Variants in SRSF4 observed in about 807,000 individuals in gnomAD.
SRSF4 encodes the protein serine/arginine-rich splicing factor 4.
Under a neutral mutation model 48.8 loss-of-function variants are expected in SRSF4, and 12 were observed. That is an observed-to-expected ratio of 0.25 (90% confidence interval 0.16 to 0.40). The LOEUF is 0.40. SRSF4 is among the 10% of genes least tolerant of loss of function. The pLI is 1.00. For synonymous variants in SRSF4, 248 were observed against 232.5 expected (o/e 1.07, Z -0.61); for missense variants, 466 against 667.1 (o/e 0.70, Z 3.32).
rs775172367 is a variant in SRSF4, at chr1:29,148,379, C to G, written c.*31G>C. Reference sequence around the variant, plus strand: ...GCTACCAAACATGTACAAAAGACTTCTCGGGTAGTTCCAGCTGTGGCCATA... The same window carrying G: ...GCTACCAAACATGTACAAAAGACTTGTCGGGTAGTTCCAGCTGTGGCCATA... On this transcript the variant is annotated 3_prime_UTR_variant, in exon 6 of 6. Coordinates refer to ENST00000373795, the MANE Select transcript of SRSF4 (RefSeq NM_005626.5). The G allele has an allele frequency of 1.9e-6, 3 of 1,561,188 alleles. No homozygotes were observed. Among genetic ancestry groups the G allele is most frequent in the Non-Finnish European group, 2.6e-6 (3 of 1,154,740 alleles).
rs937303482 is a variant in SRSF4 at position 29,181,821 on chromosome 1, C to G, written c.-69G>C. Reference sequence around the variant, plus strand: ...TAGGCGGCGGCGGGCAAAGCGAGAGCACGGCGGCAGCGGCGGCGGCGGCAA... The same window carrying G: ...TAGGCGGCGGCGGGCAAAGCGAGAGGACGGCGGCAGCGGCGGCGGCGGCAA... On this transcript the variant is annotated 5_prime_UTR_variant, in exon 1 of 6. Coordinates refer to ENST00000373795, the MANE Select transcript of SRSF4 (RefSeq NM_005626.5). 2 of 1,342,594 alleles carry G rather than the reference C, an allele frequency of 1.5e-6. No homozygotes were observed. Among genetic ancestry groups the G allele is most frequent in the South Asian group, 1.6e-5 (1 of 61,854 alleles). 83.2% of individuals were successfully genotyped at this position (1,342,594 alleles called of 1,614,324 possible). A position where few individuals can be genotyped will look rare whatever the true frequency, so the allele number is the denominator to read the frequency against.
intron 1 of SRSF4, chr1:29,172,215 T>C (rs1393383861): frequency 6.6e-6 from 1 of 152,202 alleles, no homozygotes; most frequent in East Asian, 1.9e-4. Flanking sequence ...TGCTACTTAA[T>C]TCATAGTCCT....
intron 1 of SRSF4, 109 bp downstream of exon 1, chr1:29,181,537 G>T: frequency 1.0e-6 from 1 of 977,168 alleles, no homozygotes. Flanking sequence ...GCCTGGCCAG[G>T]CCGGTAGCCG....
intron 1 of SRSF4, 40 bp downstream of exon 1, chr1:29,181,606 T>C: frequency 6.5e-7 from 1 of 1,533,200 alleles, no homozygotes; most frequent in South Asian, 1.2e-5. Context: ...ACCTATGGGG[T>C]CTGTCCCCGC....
At position 29,148,802 on chromosome 1, in the gene SRSF4, G is replaced by C. The variant is rs756803353; in HGVS notation, c.1093C>G (p.Arg365Gly). The C allele has an allele frequency of 6.2e-7, 1 of 1,609,792 alleles. No homozygotes were observed. Among genetic ancestry groups the C allele is most frequent in the African/African-American group, 1.3e-5 (1 of 74,588 alleles). Residue 365 changes from arginine to glycine, a missense_variant, in exon 6 of 6, where the codon CGC becomes GGC. Around this residue, in one of 2 missense-constraint regions of SRSF4, gnomAD observed 402 missense variants for 437.0 expected, o/e 0.92. Transcript: ENST00000373795. Reference protein sequence around the residue: ...KGRKRSREESRSRSRSRSKSE... With the variant: ...KGRKRSREESGSRSRSRSKSE... Reference sequence around the variant, plus strand: ...TTGCTGCGGCTGCGACTGCGACTGCGGCTCTCCTCTCTGCTTCTCTTCCTG... The same window carrying C: ...TTGCTGCGGCTGCGACTGCGACTGCCGCTCTCCTCTCTGCTTCTCTTCCTG...
intron 4 of SRSF4, among the ~76,000 whole-genome samples, chr1:29,150,929 T>C (rs1417053470): frequency 6.6e-6 from 1 of 152,188 alleles, no homozygotes; most frequent in Non-Finnish European, 1.5e-5. Flanking sequence ...CAACCAGCCT[T>C]TCTGTGTATA....
At chr1:29,171,703 A>C (rs1672747016) in intron 1 of SRSF4, 1 of 152,130 alleles carries the variant, frequency 6.6e-6, no homozygotes. Flanking sequence ...GCTCAAAGTA[A>C]AATTTGCGGT....
chr1:29,157,376 T>A (rs1368965745), intron 3 of SRSF4, among the ~76,000 whole-genome samples: 1 of 152,198 alleles, frequency 6.6e-6, no homozygotes, highest in Non-Finnish European at 1.5e-5. Context: ...TTACATTTAG[T>A]GGCACTACAT....
chr1:29,173,825 A>G (rs960719891), intron 1 of SRSF4, among the ~76,000 whole-genome samples: 1 of 152,074 alleles, frequency 6.6e-6, no homozygotes, highest in Non-Finnish European at 1.5e-5. Flanking sequence ...ATTTCCTCAT[A>G]TATAATTCTA....
chr1:29,157,156 T>C (rs563419939), intron 3 of SRSF4, among the ~76,000 whole-genome samples: 63 of 152,218 alleles, frequency 4.1e-4, no homozygotes, highest in Non-Finnish European at 6.0e-4. Context: ...TGTTTATGGA[T>C]AAGAGAGCAA....
intron 4 of SRSF4, among the ~76,000 whole-genome samples, chr1:29,151,751 T>C (rs1285232056): frequency 1.3e-5 from 2 of 152,246 alleles, no homozygotes; most frequent in Non-Finnish European, 2.9e-5. Context: ...ACTGTGGTTA[T>C]CCTCATTCTT....
intron 1 of SRSF4, among the ~76,000 whole-genome samples, chr1:29,178,413 G>A (rs555590359): frequency 8.3e-4 from 119 of 142,968 alleles, no homozygotes; most frequent in African/African-American, 3.0e-3. Flanking sequence ...GCACGATCTC[G>A]GCTCACTGCA....
chr1:29,169,173 G>A (rs1672710297), intron 1 of SRSF4: 1 of 152,152 alleles, frequency 6.6e-6, no homozygotes, highest in Non-Finnish European at 1.5e-5. Context: ...CAACTCTGAG[G>A]TTTACTGTCA....
chr1:29,162,256 G>A (rs1178200790), intron 1 of SRSF4, among the ~76,000 whole-genome samples: 3 of 152,086 alleles, frequency 2.0e-5, no homozygotes, highest in Non-Finnish European at 4.4e-5. Context: ...TTAATAAGAA[G>A]GATTTTGAAC....
At chr1:29,167,270 T>A (rs1396799074) in intron 1 of SRSF4, among the ~76,000 whole-genome samples, 1 of 152,276 alleles carries the variant, frequency 6.6e-6, no homozygotes, top group Non-Finnish European at 1.5e-5. Context: ...TTGAATTATA[T>A]CAATCTTCTT....
At chr1:29,180,956 T>G (rs1286228205) in intron 1 of SRSF4, among the ~76,000 whole-genome samples, 1 of 152,230 alleles carries the variant, frequency 6.6e-6, no homozygotes, top group East Asian at 1.9e-4. Context: ...AAGCAATTTT[T>G]CGGTAAGTTG....
chr1:29,160,562 C>T (rs1321458883), intron 1 of SRSF4, 45 bp from the exon 2 acceptor site: 2 of 1,551,842 alleles, frequency 1.3e-6, no homozygotes, highest in Admixed American at 4.0e-5. Context: ...ATTTTGACAT[C>T]CAGCTTCACT....
intron 3 of SRSF4, among the ~76,000 whole-genome samples, chr1:29,156,767 C>A (rs1187831791): frequency 1.3e-5 from 2 of 152,076 alleles, no homozygotes; most frequent in Non-Finnish European, 2.9e-5. Context: ...CGTAGGGTAC[C>A]CAAAGTCTGG....
chr1:29,159,118 C>CCAAAA, intron 3 of SRSF4, among the ~76,000 whole-genome samples: 1 of 141,650 alleles, frequency 7.1e-6, no homozygotes, highest in South Asian at 2.1e-4. Flanking sequence ...ACAAACCAAA[C>CCAAAA]CAAACCAAAC....
Sources: gnomAD v4.1 joint callset for allele counts (sites outside exome capture counted in the v4.1 genomes callset) on GRCh38, gnomAD v4.1.1 for gene constraint, gnomAD v4.1.1 regional missense constraint, MANE v1.5 for transcripts, NCBI Gene and HGNC (gene_info 2026-07-23, HGNC 2026-07-21) for gene names.